The following SPRING1 variants were observed in gnomAD, a reference collection of about 807,000 sequenced individuals.
SPRING1 encodes SREBP regulating gene protein.
A neutral mutation model predicts 24.7 loss-of-function variants in SPRING1; 14 were observed. The observed-to-expected ratio is 0.57, with a 90% confidence interval of 0.37 to 0.88. SPRING1 has a LOEUF of 0.88. Among genes scored for constraint, SPRING1 ranks in the 40% least tolerant of loss-of-function variants. SPRING1 has a pLI of 0.00. For synonymous variants in SPRING1, 93 were observed against 106.1 expected, an observed-to-expected ratio of 0.88 and a Z score of 0.76; for missense variants, 255 against 268.4, an observed-to-expected ratio of 0.95 and a Z score of 0.35.
chr12:116,731,444 G>T (rs1057084042), intron 1 of SPRING1, among the ~76,000 whole-genome samples: 1 of 152,136 alleles, frequency 6.6e-6, no homozygotes, highest in Non-Finnish European at 1.5e-5. Flanking sequence ...AGTGGGTTAG[G>T]TTATTATAAA....
intron 1 of SPRING1, among the ~76,000 whole-genome samples, chr12:116,737,404 G>GACAGAA (rs1871286478): frequency 1.3e-5 from 2 of 151,412 alleles, no homozygotes; most frequent in Non-Finnish European, 2.9e-5. Flanking sequence ...AAGGAAGGGA[G>GACAGAA]AGGGGGACAG....
At chr12:116,721,425 T>C (rs527282484) in intron 2 of SPRING1, among the ~76,000 whole-genome samples, 26 of 152,120 alleles carry the variant, frequency 1.7e-4, no homozygotes, top group Non-Finnish European at 2.8e-4. Context: ...AAGTATAAGG[T>C]TGTTTTCAGA....
At chr12:116,718,470 A>G (rs544000070) in intron 4 of SPRING1, among the ~76,000 whole-genome samples, 11 of 152,366 alleles carry the variant, frequency 7.2e-5, no homozygotes, top group African/African-American at 2.6e-4. Flanking sequence ...CATACAAGCA[A>G]CTTGGGTTTT....
At chr12:116,737,721 G>A (rs1398187666) in intron 1 of SPRING1, 69 bp downstream of exon 1, 7 of 1,366,398 alleles carry the variant, frequency 5.1e-6, no homozygotes, top group African/African-American at 1.6e-5. Flanking sequence ...AGGAAGGAAG[G>A]AGAAAGTAAA....
chr12:116,729,627 A>C (rs1870876185), intron 1 of SPRING1, among the ~76,000 whole-genome samples: 1 of 152,248 alleles, frequency 6.6e-6, no homozygotes, highest in African/African-American at 2.4e-5. Flanking sequence ...ACACGATGGA[A>C]TATTATTCGG....
intron 1 of SPRING1, among the ~76,000 whole-genome samples, chr12:116,736,370 C>G (rs1056545574): frequency 2.6e-5 from 4 of 152,130 alleles, no homozygotes; most frequent in Non-Finnish European, 5.9e-5. Context: ...TCTGAGGTGG[C>G]AGAAAACACA....
intron 1 of SPRING1, among the ~76,000 whole-genome samples, chr12:116,737,338 G>A (rs1447877518): frequency 6.6e-6 from 1 of 151,984 alleles, no homozygotes; most frequent in African/African-American, 2.4e-5. Flanking sequence ...AGGGAAGGAA[G>A]GAGGAAGAAC....
chr12:116,729,623 T>C (rs1386538239), intron 1 of SPRING1, among the ~76,000 whole-genome samples: 1 of 152,244 alleles, frequency 6.6e-6, no homozygotes, highest in Non-Finnish European at 1.5e-5. Context: ...ATGCACACGA[T>C]GGAATATTAT....
At chr12:116,732,242 G>T (rs1050006597) in intron 1 of SPRING1, among the ~76,000 whole-genome samples, 1 of 152,184 alleles carries the variant, frequency 6.6e-6, no homozygotes, top group African/African-American at 2.4e-5. Context: ...GAAGCCAGAA[G>T]AAAGGATTTA....
At chr12:116,726,428 C>T (rs1870693894) in intron 1 of SPRING1, among the ~76,000 whole-genome samples, 1 of 152,192 alleles carries the variant, frequency 6.6e-6, no homozygotes, top group Non-Finnish European at 1.5e-5. Context: ...AATTTACCGT[C>T]TTTCAAGGTG....
chr12:116,735,452 C>T (rs1197733354), intron 1 of SPRING1, among the ~76,000 whole-genome samples: 1 of 152,196 alleles, frequency 6.6e-6, no homozygotes, highest in Non-Finnish European at 1.5e-5. Flanking sequence ...TAAGATGGGG[C>T]CGGGCGTGGT....
At chr12:116,725,120 G>A (rs1870618031) in intron 1 of SPRING1, among the ~76,000 whole-genome samples, 3 of 152,298 alleles carry the variant, frequency 2.0e-5, no homozygotes, top group East Asian at 3.9e-4. Flanking sequence ...CTTACCCATG[G>A]TTTTACTTTC....
chr12:116,737,591 G>A (rs1289818473), intron 1 of SPRING1, among the ~76,000 whole-genome samples, 199 bp downstream of exon 1: 1 of 142,834 alleles, frequency 7.0e-6, no homozygotes, highest in Non-Finnish European at 1.5e-5. Context: ...GAAGGAGGAA[G>A]ATAAGGAAGG....
In SPRING1 at chr12:116,717,189, G is replaced by A. The variant is rs548181478; in HGVS notation, c.*621C>T. ...CGTCAGGATATGGCTAACAGGTCAC[G>A]TTCAGGGCCTATGCTTGATACTGTC... On this transcript the variant is annotated 3_prime_UTR_variant, in exon 5 of 5. Transcript: ENST00000261318. The surrounding 1 kb of genome is among the most constrained non-coding windows in gnomAD (Gnocchi z 4.2). 33 of 152,256 alleles carry A rather than the reference G, an allele frequency of 2.2e-4. No individual in the cohort carries two copies. Among genetic ancestry groups the A allele is most frequent in the African/African-American group, 7.5e-4 (31 of 41,534 alleles). The allele number at this position is 152,256 out of a possible 1,614,324, so 9.4% of individuals were successfully genotyped here. A position where few individuals can be genotyped will look rare whatever the true frequency, so the allele number is the denominator to read the frequency against.
intron 1 of SPRING1, among the ~76,000 whole-genome samples, chr12:116,724,928 G>A (rs1175529053): frequency 6.6e-6 from 1 of 152,178 alleles, no homozygotes; most frequent in African/African-American, 2.4e-5. Context: ...AAAGTACCTA[G>A]ATGATTTTAA....
Sources: gnomAD v4.1 joint callset for allele counts (sites outside exome capture counted in the v4.1 genomes callset) on GRCh38, gnomAD v4.1.1 for gene constraint, Gnocchi (gnomAD v3.1) non-coding constraint, MANE v1.5 for transcripts, NCBI Gene and HGNC (gene_info 2026-07-23, HGNC 2026-07-21) for gene names.